Variants in ZNF284 observed in about 807,000 individuals in gnomAD.
ZNF284 encodes zinc finger protein 284.
In ZNF284, 12 loss-of-function variants were observed where a neutral mutation model predicts 12.9. That is an observed-to-expected ratio of 0.93 (90% confidence interval 0.60 to 1.51). The LOEUF (loss-of-function observed/expected upper bound fraction) is 1.51. Among genes scored for constraint, ZNF284 ranks in the 40% most tolerant of loss-of-function variants. ZNF284 has a pLI of 0.00. For synonymous variants in ZNF284, 225 were observed against 236.5 expected, an observed-to-expected ratio of 0.95 and a Z score of 0.45; for missense variants, 667 against 707.3, an observed-to-expected ratio of 0.94 and a Z score of 0.65.
intron 2 of ZNF284, among the ~76,000 whole-genome samples, chr19:44,079,438 G>T (rs1265831362): frequency 6.6e-6 from 1 of 152,096 alleles, no homozygotes; most frequent in Non-Finnish European, 1.5e-5. Flanking sequence ...CACCGGGTGT[G>T]GTGGCTCATG....
chr19:44,085,032 T>C (rs982562175), intron 4 of ZNF284, among the ~76,000 whole-genome samples: 8 of 152,084 alleles, frequency 5.3e-5, no homozygotes, highest in African/African-American at 9.7e-5. Context: ...TCACTTACCC[T>C]TTCCCAGCAC....
Position 44,076,397 on chromosome 19 carries a change from T to A in ZNF284, c.8T>A (p.Met3Lys), listed in dbSNP as rs373559407. 2 of 1,609,654 alleles carry A rather than the reference T, an allele frequency of 1.2e-6. No individual in the cohort carries two copies. The highest frequency in any genetic ancestry group is 1.3e-5 in the African/African-American group (1 of 74,816). Reference sequence around the variant, plus strand: ...CCCAAAGAAGGAGGAAAAATGACCATGTTCAAGGTGAGTAAGTCTGGTCTC... The same window carrying A: ...CCCAAAGAAGGAGGAAAAATGACCAAGTTCAAGGTGAGTAAGTCTGGTCTC... MT[M>K]FKEAVTFKDV... The change falls in exon 2 of 5, where the codon ATG (methionine) becomes AAG (lysine). Residue 3 changes from methionine (M) to lysine (K), a missense_variant. Coordinates refer to ENST00000421176, the MANE Select transcript of ZNF284 (RefSeq NM_001037813.4).
At chr19:44,077,300 G>C (rs1477407649) in intron 2 of ZNF284, among the ~76,000 whole-genome samples, 1 of 152,166 alleles carries the variant, frequency 6.6e-6, no homozygotes, top group Non-Finnish European at 1.5e-5. Flanking sequence ...GGAAGAGCTA[G>C]CTTTTGTTTT....
intron 3 of ZNF284, among the ~76,000 whole-genome samples, chr19:44,081,507 G>C (rs573804592): frequency 5.3e-5 from 8 of 151,874 alleles, no homozygotes; most frequent in Non-Finnish European, 1.0e-4. Context: ...GTTGGGAGAT[G>C]GAGACCATTC....
chr19:44,086,451 G>A lies in ZNF284; in HGVS notation c.973G>A (p.Gly325Ser). Reference sequence around the variant, plus strand: ...ATGTGATACCTGTAGTAATAGCTTTGGTCAGAGATCAGCACTTAATAGTCA... The same window carrying A: ...ATGTGATACCTGTAGTAATAGCTTTAGTCAGAGATCAGCACTTAATAGTCA... ...FRCDTCSNSF[G>S]QRSALNSHCM... Residue 325 changes from glycine (G) to serine (S), a missense_variant, in exon 5 of 5, where the codon GGT (glycine) becomes AGT (serine). Gly to Ser is a moderately conservative substitution (Grantham distance 56). Coordinates refer to ENST00000421176, the MANE Select transcript of ZNF284 (RefSeq NM_001037813.4). 6.2e-7 allele frequency: 1 copy of A among 1,614,112 alleles called. No homozygotes were observed. The highest frequency in any genetic ancestry group is 8.5e-7 in the Non-Finnish European group (1 of 1,180,032).
Position 44,089,288 on chromosome 19 carries a change from G to C in ZNF284, c.*2028G>C, listed in dbSNP as rs1967310091. The C allele has an allele frequency of 1.3e-5, 2 of 152,084 alleles. No individual in the cohort carries two copies. The highest frequency in any genetic ancestry group is 6.5e-5 in the Admixed American group (1 of 15,284). 9.4% of individuals were successfully genotyped at this position (152,084 alleles called of 1,614,324 possible). On this transcript the variant is annotated 3_prime_UTR_variant, in exon 5 of 5. Transcript: ENST00000421176. ...ACTACAGGCATGGACCACCACCCCTGATTGATCTTCTTTAGTTTCTATAAC... is the reference window on the plus strand; with the variant it reads ...ACTACAGGCATGGACCACCACCCCTCATTGATCTTCTTTAGTTTCTATAAC...
intron 1 of ZNF284, among the ~76,000 whole-genome samples, chr19:44,074,792 A>G (rs531343684): frequency 6.6e-6 from 1 of 152,310 alleles, no homozygotes; most frequent in Non-Finnish European, 1.5e-5. Flanking sequence ...AACATGGAGA[A>G]ACCCCATCTC....
At chr19:44,079,411 T>C (rs548107664) in intron 2 of ZNF284, among the ~76,000 whole-genome samples, 1 of 152,084 alleles carries the variant, frequency 6.6e-6, no homozygotes, top group African/African-American at 2.4e-5. Context: ...CTGACCAACA[T>C]GGAGAAACCC....
At chr19:44,085,489 T>C (rs1485015470) in intron 4 of ZNF284, among the ~76,000 whole-genome samples, 2 of 152,218 alleles carry the variant, frequency 1.3e-5, no homozygotes, top group Admixed American at 1.3e-4. Context: ...ACATTAACTG[T>C]ATTATATTAA....
intron 1 of ZNF284, among the ~76,000 whole-genome samples, chr19:44,075,355 A>G (rs897590346): frequency 1.3e-5 from 2 of 152,218 alleles, no homozygotes; most frequent in African/African-American, 2.4e-5. Context: ...TTTTGCAGAA[A>G]GACATTCATT....
intron 2 of ZNF284, among the ~76,000 whole-genome samples, chr19:44,079,042 C>T (rs1039456339): frequency 6.6e-5 from 10 of 152,080 alleles, no homozygotes; most frequent in Non-Finnish European, 8.8e-5. Flanking sequence ...TTGCTTGTCT[C>T]GGCCTCCAAA....
chr19:44,083,474 TAGAGAGAGAG>T (rs60441974), intron 4 of ZNF284, among the ~76,000 whole-genome samples: 1 of 64,926 alleles, frequency 1.5e-5, no homozygotes, highest in African/African-American at 5.0e-5. Context: ...TATATATATA[TAGAGAGAGAG>T]AGAGAGAGAG....
At chr19:44,085,530 C>T (rs893263453) in intron 4 of ZNF284, among the ~76,000 whole-genome samples, 184 bp from the exon 5 acceptor site, 3 of 152,174 alleles carry the variant, frequency 2.0e-5, no homozygotes, top group African/African-American at 4.8e-5. Flanking sequence ...ATTTCTACCA[C>T]GTATGAGACA....
In ZNF284 at chr19:44,088,902, C is replaced by T. The variant is rs1376477746; in HGVS notation, c.*1642C>T. The T allele has an allele frequency of 6.6e-6, 1 of 151,296 alleles. No homozygotes were observed. The highest frequency in any genetic ancestry group is 6.6e-5 in the Admixed American group (1 of 15,184). The allele number at this position is 151,296 out of a possible 1,614,324, so 9.4% of individuals were successfully genotyped here. On this transcript the variant is annotated 3_prime_UTR_variant, in exon 5 of 5. Transcript: ENST00000421176. ...GTGGAATGATCACGGCTCCCTGCAGCCTTGACCTCCCAGGCTCAAGAAATC... is the reference window on the plus strand; with the variant it reads ...GTGGAATGATCACGGCTCCCTGCAGTCTTGACCTCCCAGGCTCAAGAAATC...
In ZNF284 at chr19:44,082,230, C is replaced by A. The variant is rs540402013; in HGVS notation, c.235+125C>A. 3.6e-5 allele frequency: 25 copies of A among 695,106 alleles called. No homozygotes were observed. In the East Asian group the frequency reaches 7.2e-4, roughly 20 times the overall value. The allele number at this position is 695,106 out of a possible 1,614,324, so 43.1% of individuals were successfully genotyped here. On this transcript the variant is annotated intron_variant, in intron 4 of 4. Coordinates refer to ENST00000421176, the MANE Select transcript of ZNF284 (RefSeq NM_001037813.4). ...CTGTTTCCTGGATTCTTACCTCCTTCCTGCTGGTTGTCCTGCTCCCCCACC... is the reference window on the plus strand; with the variant it reads ...CTGTTTCCTGGATTCTTACCTCCTTACTGCTGGTTGTCCTGCTCCCCCACC...
At position 44,088,451 on chromosome 19, in the gene ZNF284, C is replaced by T. The variant is rs1835460960; in HGVS notation, c.*1191C>T. ...TGTTGATGAACACTTAGATTGGTTCCATATGTTAGCTATTGCAAATAGTAC... is the reference window on the plus strand; with the variant it reads ...TGTTGATGAACACTTAGATTGGTTCTATATGTTAGCTATTGCAAATAGTAC... On this transcript the variant is annotated 3_prime_UTR_variant, in exon 5 of 5. Coordinates refer to ENST00000421176, the MANE Select transcript of ZNF284 (RefSeq NM_001037813.4). 6.6e-6 allele frequency: 1 copy of T among 152,212 alleles called. No homozygotes were observed. The highest frequency in any genetic ancestry group is 1.5e-5 in the Non-Finnish European group (1 of 68,016). The allele number at this position is 152,212 out of a possible 1,614,324, so 9.4% of individuals were successfully genotyped here.
Position 44,086,685 on chromosome 19 carries a change from G to A in ZNF284, c.1207G>A (p.Gly403Arg), listed in dbSNP as rs750211263. The change falls in exon 5 of 5, where the codon GGA (glycine) becomes AGA (arginine). Residue 403 changes from glycine (G) to arginine (R), a missense_variant. Transcript: ENST00000421176. ...TGGAGAAACAACATTCAAGTGCGACGGATGTGGGAAGAGATTTTATATGAA... is the reference window on the plus strand; with the variant it reads ...TGGAGAAACAACATTCAAGTGCGACAGATGTGGGAAGAGATTTTATATGAA... The part of the protein sequence containing the change: ...HNGETTFKCD[G>R]CGKRFYMNSQ... 3.2e-5 allele frequency: 52 copies of A among 1,613,964 alleles called. No homozygotes were observed. The highest frequency in any genetic ancestry group is 3.3e-5 in the Admixed American group (2 of 60,012).
chr19:44,086,422 T>C lies in ZNF284; in HGVS notation c.944T>C (p.Phe315Ser). 6.2e-7 allele frequency: 1 copy of C among 1,614,022 alleles called. No homozygotes were observed. The highest frequency in any genetic ancestry group is 8.5e-7 in the Non-Finnish European group (1 of 1,179,928). ...ATGGTCCACATGCAAGAGAAATCATTTAGATGTGATACCTGTAGTAATAGC... is the reference window on the plus strand; with the variant it reads ...ATGGTCCACATGCAAGAGAAATCATCTAGATGTGATACCTGTAGTAATAGC... The part of the protein sequence containing the change: ...HSMVHMQEKS[F>S]RCDTCSNSFG... The change falls in exon 5 of 5, where the codon TTT (phenylalanine) becomes TCT (serine). Residue 315 changes from phenylalanine (F) to serine (S), a missense_variant. Transcript: ENST00000421176.
intron 4 of ZNF284, among the ~76,000 whole-genome samples, chr19:44,084,196 C>G (rs1967186458): frequency 6.6e-6 from 1 of 152,134 alleles, no homozygotes; most frequent in African/African-American, 2.4e-5. Flanking sequence ...GGCGTGATCC[C>G]TAGGTCCCCA....
Sources: allele counts gnomAD v4.1 joint callset (sites outside exome capture counted in the v4.1 genomes callset), GRCh38; gene constraint gnomAD v4.1.1; transcripts MANE v1.5; gene names NCBI Gene and HGNC (gene_info 2026-07-23, HGNC 2026-07-21).